The following GXYLT2 variants were observed in gnomAD, a reference collection of about 807,000 sequenced individuals.
The protein encoded by GXYLT2 is glucoside xylosyltransferase 2, also known as glycosyltransferase 8 domain containing 4.
Under a neutral mutation model 45.8 loss-of-function variants are expected in GXYLT2, and 53 were observed. That is an observed-to-expected ratio of 1.16 (90% CI 0.93 to 1.46). The LOEUF (loss-of-function observed/expected upper bound fraction) is 1.46, where lower values mean the gene tolerates loss of function less well. Among genes scored for constraint, GXYLT2 ranks in the 40% most tolerant of loss-of-function variants. The pLI, the probability that GXYLT2 is intolerant of heterozygous loss-of-function variation, is 0.00. For synonymous variants in GXYLT2, 219 were observed against 214.2 expected, an observed-to-expected ratio of 1.02 and a Z score of -0.19; for missense variants, 551 against 544.4, an observed-to-expected ratio of 1.01 and a Z score of -0.12.
At chr3:72,893,802 T>C (rs1190446565) in intron 1 of GXYLT2, among the ~76,000 whole-genome samples, 2 of 152,128 alleles carry the variant, frequency 1.3e-5, no homozygotes, top group Non-Finnish European at 2.9e-5. Context: ...GAGAGGAATG[T>C]TTTTCCTTTT....
chr3:72,901,148 G>A (rs1387997921), intron 1 of GXYLT2, among the ~76,000 whole-genome samples: 1 of 152,096 alleles, frequency 6.6e-6, no homozygotes, highest in South Asian at 2.1e-4. Flanking sequence ...AATTAGCTAG[G>A]CGTGGTGGCA....
intron 1 of GXYLT2, among the ~76,000 whole-genome samples, chr3:72,904,253 C>T (rs1709462299): frequency 6.6e-6 from 1 of 152,274 alleles, no homozygotes; most frequent in Non-Finnish European, 1.5e-5. Flanking sequence ...AGACTGCACT[C>T]CTCCCCTGGA....
intron 3 of GXYLT2, among the ~76,000 whole-genome samples, chr3:72,934,342 T>C (rs1194866398): frequency 6.6e-6 from 1 of 152,086 alleles, no homozygotes; most frequent in Non-Finnish European, 1.5e-5. Flanking sequence ...CGCCTCAGTC[T>C]CCCAAAGTGC....
chr3:72,899,445 A>G (rs925304513), intron 1 of GXYLT2, among the ~76,000 whole-genome samples: 2 of 152,178 alleles, frequency 1.3e-5, no homozygotes, highest in Admixed American at 6.6e-5. Flanking sequence ...TTCTATCTTG[A>G]AAGATTTATG....
intron 3 of GXYLT2, among the ~76,000 whole-genome samples, chr3:72,931,297 C>T (rs140772852): frequency 0.023 from 3,469 of 151,776 alleles, 158 homozygotes; most frequent in African/African-American, 0.079. Flanking sequence ...GCTCCATCTC[C>T]GCTCACTGCA....
chr3:72,924,282 C>T (rs1709880405), intron 3 of GXYLT2, among the ~76,000 whole-genome samples: 1 of 151,304 alleles, frequency 6.6e-6, no homozygotes, highest in African/African-American at 2.4e-5. Flanking sequence ...CAGCCTCCAA[C>T]TCCTGGGCTT....
chr3:72,929,948 C>T (rs545213203), intron 3 of GXYLT2, among the ~76,000 whole-genome samples: 19 of 152,186 alleles, frequency 1.2e-4, no homozygotes, highest in Non-Finnish European at 2.6e-4. Context: ...AGGTGGATCA[C>T]CTGAGGTCAG....
intron 1 of GXYLT2, among the ~76,000 whole-genome samples, chr3:72,907,485 C>A (rs1411654423): frequency 6.6e-6 from 1 of 152,044 alleles, no homozygotes; most frequent in Admixed American, 6.6e-5. Context: ...CTCAGGGCAC[C>A]TTTTCCAGGC....
At chr3:72,959,099 C>T (rs751599097) in intron 5 of GXYLT2, among the ~76,000 whole-genome samples, 6 of 143,232 alleles carry the variant, frequency 4.2e-5, no homozygotes, top group Non-Finnish European at 1.5e-5. Context: ...TGCATCACCA[C>T]ACCCAGCTTT....
rs10212494 is a variant in GXYLT2, at chr3:72,975,946, T to A, written c.*787T>A. ...TCTTTCTTTTTTTTTTTTTTTTTTT[T>A]TTTGAGACGGAATCTCACTCTGTAG... is the stretch of plus-strand genomic sequence containing the variant. On this transcript the variant is annotated 3_prime_UTR_variant, in exon 7 of 7. Transcript: ENST00000389617. 2 of 129,644 alleles carry A rather than the reference T, an allele frequency of 1.5e-5. No homozygotes were observed. Among genetic ancestry groups the A allele is most frequent in the South Asian group, 2.4e-4 (1 of 4,226 alleles). The allele number at this position is 129,644 out of a possible 1,614,324, so 8.0% of individuals were successfully genotyped here.
intron 3 of GXYLT2, among the ~76,000 whole-genome samples, chr3:72,937,412 GGAAAT>G (rs1710206558): frequency 6.6e-6 from 1 of 152,158 alleles, no homozygotes; most frequent in Non-Finnish European, 1.5e-5. Flanking sequence ...CTGAAAAAAG[GGAAAT>G]GTATGGTAGG....
In GXYLT2 at chr3:72,956,875, G is replaced by A. The variant is rs192300593; in HGVS notation, c.853-354G>A. ...ACTGCATGCCAGCCTGGGCGACAGAGCAAGACTCTGTCTCAAAACAAAAAC... is the reference window on the plus strand; with the variant it reads ...ACTGCATGCCAGCCTGGGCGACAGAACAAGACTCTGTCTCAAAACAAAAAC... On this transcript the variant is annotated intron_variant, in intron 4 of 6. Transcript: ENST00000389617. Among the ~76,000 whole-genome samples the A allele has an allele frequency of 4.4e-5, 6 of 136,282 alleles. No individual in the cohort carries two copies. In the East Asian group the frequency reaches 1.2e-3, roughly 28 times the overall value. The allele number at this position is 136,282 out of a possible 152,430, so 89.4% of individuals were successfully genotyped here. A position where few individuals can be genotyped will look rare whatever the true frequency, so the allele number is the denominator to read the frequency against.
At chr3:72,952,590 A>G (rs1710548689) in intron 3 of GXYLT2, among the ~76,000 whole-genome samples, 1 of 152,092 alleles carries the variant, frequency 6.6e-6, no homozygotes, top group Admixed American at 6.6e-5. Flanking sequence ...AACAACAGAA[A>G]TTTATTTTCT....
intron 1 of GXYLT2, among the ~76,000 whole-genome samples, chr3:72,907,770 C>T (rs1028544786): frequency 1.3e-5 from 2 of 152,132 alleles, no homozygotes; most frequent in Admixed American, 6.5e-5. Context: ...ATTGGCGAGA[C>T]GGTCAGGATT....
In GXYLT2 at chr3:72,888,081, C is replaced by A. The variant is rs972747641; in HGVS notation, c.-153C>A. The A allele has an allele frequency of 3.3e-6, 1 of 301,160 alleles. No homozygotes were observed. Among genetic ancestry groups the A allele is most frequent in the African/African-American group, 2.3e-5 (1 of 43,364 alleles). The allele number at this position is 301,160 out of a possible 1,614,324, so 18.7% of individuals were successfully genotyped here. ...TCTCCTCCTCCTTCGCCGTCGCCGC[C>A]GCCGCCGGCCGCCCGCCGGCCGCCA... On this transcript the variant is annotated 5_prime_UTR_variant, in exon 1 of 7. Coordinates refer to ENST00000389617, the MANE Select transcript of GXYLT2 (RefSeq NM_001080393.2).
chr3:72,934,820 AGGCCT>A (rs1346543360), intron 3 of GXYLT2, among the ~76,000 whole-genome samples: 1 of 152,224 alleles, frequency 6.6e-6, no homozygotes, highest in Non-Finnish European at 1.5e-5. Context: ...TTAAGACCCC[AGGCCT>A]GTTTCTACCA....
At chr3:72,969,267 G>GT (rs1710938356) in intron 6 of GXYLT2, among the ~76,000 whole-genome samples, 2 of 151,488 alleles carry the variant, frequency 1.3e-5, no homozygotes, top group Admixed American at 1.3e-4. Flanking sequence ...CAAGCCTCAT[G>GT]CTGTAATCTG....
chr3:72,918,541 A>G (rs1464473791), intron 2 of GXYLT2, among the ~76,000 whole-genome samples: 1 of 152,142 alleles, frequency 6.6e-6, no homozygotes, highest in East Asian at 1.9e-4. Flanking sequence ...AAAATTGAGA[A>G]GGGCCAGCCA....
chr3:72,938,639 C>T (rs1244235298), intron 3 of GXYLT2, among the ~76,000 whole-genome samples: 2 of 152,096 alleles, frequency 1.3e-5, no homozygotes, highest in Non-Finnish European at 2.9e-5. Flanking sequence ...ATTGCAACAC[C>T]TGATAAGAGG....
Sources: allele counts gnomAD v4.1 joint callset (sites outside exome capture counted in the v4.1 genomes callset), GRCh38; gene constraint gnomAD v4.1.1; transcripts MANE v1.5; gene names NCBI Gene and HGNC (gene_info 2026-07-23, HGNC 2026-07-21).